Variants in B4GALNT2 observed in about 807,000 individuals in gnomAD.
The protein encoded by B4GALNT2 is beta-1,4-N-acetyl-galactosaminyltransferase 2 (SID blood group), also known as N-acetylneuraminylgalactosylglucosyl-glucoside beta-1,4-N- acetylgalactosaminyltransferase 2.
Under a neutral mutation model 51.1 loss-of-function variants are expected in B4GALNT2, and 42 were observed. That is an observed-to-expected ratio of 0.82 (90% confidence interval 0.64 to 1.06). The LOEUF (loss-of-function observed/expected upper bound fraction) is 1.06. B4GALNT2 is among the 50% of genes least tolerant of loss of function. The pLI is 0.00. For missense variants in B4GALNT2, 602 were observed against 633.6 expected (o/e 0.95, Z 0.54); for synonymous variants, 253 against 251.7 (o/e 1.01, Z -0.05).
chr17:49,135,999 C>T (rs974149248), intron 1 of B4GALNT2, among the ~76,000 whole-genome samples: 6 of 151,102 alleles, frequency 4.0e-5, no homozygotes, highest in African/African-American at 1.5e-4. Flanking sequence ...AGGAGAATGG[C>T]GTGAACCTGG....
In B4GALNT2 at chr17:49,172,572, T is replaced by C. The variant is rs2042963971; in HGVS notation, c.*2844T>C. The stretch of plus-strand genomic sequence containing the variant: ...TAGTCCCTGCTTCTCCCCTTTTGCT[T>C]TTGCAACTGCTGTTTCAGGGAGAGA... On this transcript the variant is annotated 3_prime_UTR_variant, in exon 11 of 11. Coordinates refer to ENST00000393354, the MANE Select transcript of B4GALNT2 (RefSeq NM_001159387.2). The C allele has an allele frequency of 6.5e-6, 1 of 154,168 alleles. No individual in the cohort carries two copies. The highest frequency in any genetic ancestry group is 1.5e-5 in the Non-Finnish European group (1 of 68,052). 9.6% of individuals were successfully genotyped at this position (154,168 alleles called of 1,614,324 possible). A position where few individuals can be genotyped will look rare whatever the true frequency, so the allele number is the denominator to read the frequency against.
intron 3 of B4GALNT2, among the ~76,000 whole-genome samples, chr17:49,151,942 A>G (rs2042760680): frequency 6.6e-6 from 1 of 152,190 alleles, no homozygotes; most frequent in Non-Finnish European, 1.5e-5. Flanking sequence ...ATTAAGGACC[A>G]TGTGATGATT....
Position 49,168,857 on chromosome 17 carries a change from A to G in B4GALNT2, c.1272A>G (p.Gln424=), listed in dbSNP as rs2042935537. ...NFFLAHTERL[Q]RVGFDPRLQR... ...TCCTGGCCCACACGGAGCGACTCCA[A>G]AGAGTTGGCTTTGATCCCCGCCTGC... Residue 424 remains glutamine, a synonymous_variant, in exon 10 of 11, where the codon CAA becomes CAG. Coordinates refer to ENST00000393354, the MANE Select transcript of B4GALNT2 (RefSeq NM_001159387.2). 1 of 1,613,272 alleles carries G rather than the reference A, an allele frequency of 6.2e-7. No homozygotes were observed. The highest frequency in any genetic ancestry group is 8.5e-7 in the Non-Finnish European group (1 of 1,179,988).
At chr17:49,150,486 GA>G (rs1230330285) in intron 3 of B4GALNT2, among the ~76,000 whole-genome samples, 1 of 152,158 alleles carries the variant, frequency 6.6e-6, no homozygotes, top group Admixed American at 6.5e-5. Flanking sequence ...AGAAAGCGGG[GA>G]AGGGTGGGGA....
rs752466503 is a variant in B4GALNT2, at chr17:49,141,428, T to C, written c.196T>C (p.Phe66Leu). Residue 66 changes from phenylalanine to leucine, a missense_variant, in exon 2 of 11, where the codon TTT becomes CTT. Coordinates refer to ENST00000393354, the MANE Select transcript of B4GALNT2 (RefSeq NM_001159387.2). ...GCCTGAGGAACGTCTCAGGAACCTC[T>C]TTTCCTACGATGGAATCTGGTGAGA... ...LLPEERLRNL[F>L]SYDGIWLFPK... The C allele has an allele frequency of 1.2e-6, 2 of 1,614,134 alleles. No homozygotes were observed. Among genetic ancestry groups the C allele is most frequent in the Admixed American group, 3.3e-5 (2 of 60,020 alleles).
intron 7 of B4GALNT2, among the ~76,000 whole-genome samples, chr17:49,163,723 T>C (rs1464532823): frequency 2.4e-5 from 3 of 125,584 alleles, no homozygotes; most frequent in Non-Finnish European, 4.7e-5. Context: ...ACCATTGCAC[T>C]CCAGCCTGGG....
intron 1 of B4GALNT2, chr17:49,133,078 G>C (rs775192171): frequency 1.3e-6 from 2 of 1,509,590 alleles, no homozygotes; most frequent in Non-Finnish European, 1.8e-6. Context: ...GTGGCCTCTC[G>C]CGGCCGGGAA....
intron 9 of B4GALNT2, among the ~76,000 whole-genome samples, chr17:49,167,490 A>G (rs984949477): frequency 6.6e-6 from 1 of 152,116 alleles, no homozygotes; most frequent in African/African-American, 2.4e-5. Context: ...GAGGGGGCCC[A>G]AGTGCAGATA....
chr17:49,163,993 A>G, intron 7 of B4GALNT2, 95 bp from the exon 8 acceptor site: 2 of 1,229,596 alleles, frequency 1.6e-6, no homozygotes, highest in Admixed American at 2.1e-5. Flanking sequence ...AGACACTGAC[A>G]GGTTATGGCA....
At chr17:49,153,503 T>A (rs1412517014) in intron 4 of B4GALNT2, among the ~76,000 whole-genome samples, 3 of 144,356 alleles carry the variant, frequency 2.1e-5, no homozygotes, top group Non-Finnish European at 4.5e-5. Context: ...AGAAGCTTGA[T>A]GTGATTTTTT....
chr17:49,136,154 A>C (rs1173060783), intron 1 of B4GALNT2, among the ~76,000 whole-genome samples: 1 of 151,874 alleles, frequency 6.6e-6, no homozygotes, highest in Non-Finnish European at 1.5e-5. Context: ...ATAAATTACT[A>C]TAGAGCAAAG....
rs2042972381 is a variant in B4GALNT2 at position 49,173,864 on chromosome 17, G to C, written c.*4136G>C. 1 of 61,056 alleles carries C rather than the reference G, an allele frequency of 1.6e-5. No individual in the cohort carries two copies. The highest frequency in any genetic ancestry group is 5.6e-5 in the African/African-American group (1 of 17,868). The allele number at this position is 61,056 out of a possible 1,614,324, so 3.8% of individuals were successfully genotyped here. A position where few individuals can be genotyped will look rare whatever the true frequency, so the allele number is the denominator to read the frequency against. ...TTTTCTGGATCTATTATATTTATTT[G>C]AGCTTTATGGACTTGCTTTTTGATG... is the stretch of plus-strand genomic sequence containing the variant. On this transcript the variant is annotated 3_prime_UTR_variant, in exon 11 of 11. Transcript: ENST00000393354.
the B4GALNT2 span, among the ~76,000 whole-genome samples, chr17:49,123,806 G>C: frequency 6.6e-6 from 1 of 152,204 alleles, no homozygotes; most frequent in East Asian, 1.9e-4. Context: ...TACAGGGACT[G>C]TGTACACAAA....
At chr17:49,121,665 G>T in the B4GALNT2 span, among the ~76,000 whole-genome samples, 530 of 152,272 alleles carry the variant, frequency 3.5e-3, 3 homozygotes, top group African/African-American at 0.012. Flanking sequence ...AGCTGGAAAT[G>T]GGTCCACAGC....
the B4GALNT2 span, among the ~76,000 whole-genome samples, chr17:49,120,484 CTG>C: frequency 0.056 from 8,078 of 143,970 alleles, 426 homozygotes; most frequent in East Asian, 0.17. Flanking sequence ...GTGTGTGTGT[CTG>C]TGTGTGTGTG....
chr17:49,162,440 A>G (rs1476054677), intron 7 of B4GALNT2, among the ~76,000 whole-genome samples: 2 of 152,178 alleles, frequency 1.3e-5, no homozygotes, highest in Non-Finnish European at 2.9e-5. Context: ...CAGCATATCA[A>G]CTGTGGTTAG....
At position 49,171,427 on chromosome 17, in the gene B4GALNT2, T is replaced by C; in HGVS notation, c.*1699T>C. The C allele has an allele frequency of 2.4e-6, 1 of 419,774 alleles. No individual in the cohort carries two copies. The highest frequency in any genetic ancestry group is 1.7e-5 in the South Asian group (1 of 57,622). The allele number at this position is 419,774 out of a possible 1,614,324, so 26.0% of individuals were successfully genotyped here. A position where few individuals can be genotyped will look rare whatever the true frequency, so the allele number is the denominator to read the frequency against. ...TGGGATGCTTTAAATATTTGTTCTT[T>C]TAATTTTGCAATATGCAAAGACAAG... On this transcript the variant is annotated 3_prime_UTR_variant, in exon 11 of 11. Transcript: ENST00000393354.
Position 49,170,848 on chromosome 17 carries a change from A to G in B4GALNT2, c.*1120A>G, listed in dbSNP as rs565962835. On this transcript the variant is annotated 3_prime_UTR_variant, in exon 11 of 11. Transcript: ENST00000393354. Reference sequence around the variant, plus strand: ...TGTTTCTATAGATTATAGATAAACTAAAAGTATTCCTTACAGGAAACAAAG... The same window carrying G: ...TGTTTCTATAGATTATAGATAAACTGAAAGTATTCCTTACAGGAAACAAAG... The G allele has an allele frequency of 2.0e-5, 3 of 152,572 alleles. No individual in the cohort carries two copies. The highest frequency in any genetic ancestry group is 2.0e-4 in the Admixed American group (3 of 15,344). The allele number at this position is 152,572 out of a possible 1,614,324, so 9.5% of individuals were successfully genotyped here. A position where few individuals can be genotyped will look rare whatever the true frequency, so the allele number is the denominator to read the frequency against.
At chr17:49,128,330 G>A (rs958290615), upstream of B4GALNT2, among the ~76,000 whole-genome samples, 15 of 152,290 alleles carry the variant, frequency 9.8e-5, no homozygotes, top group East Asian at 1.2e-3. Flanking sequence ...GAGGGGAAGC[G>A]GGGTTTGGGG....
Sources: allele counts gnomAD v4.1 joint callset (sites outside exome capture counted in the v4.1 genomes callset), GRCh38; gene constraint gnomAD v4.1.1; transcripts MANE v1.5; gene names NCBI Gene and HGNC (gene_info 2026-07-23, HGNC 2026-07-21).